Variants in FUT9 observed in about 807,000 individuals in gnomAD.
The protein encoded by FUT9 is fucosyltransferase 9.
In FUT9, 15 loss-of-function variants were observed where a neutral mutation model predicts 29.7. That is an observed-to-expected ratio of 0.51 (90% CI 0.34 to 0.78). FUT9 has a LOEUF of 0.78. FUT9 is among the 30% of genes least tolerant of loss of function. FUT9 has a pLI of 0.01. For missense variants in FUT9, 319 were observed against 425.4 expected (o/e 0.75, Z 2.20); for synonymous variants, 169 against 153.7 (o/e 1.10, Z -0.74).
intron 1 of FUT9, among the ~76,000 whole-genome samples, chr6:96,082,340 T>C (rs1249628045): frequency 1.3e-5 from 2 of 151,780 alleles, no homozygotes; most frequent in African/African-American, 2.4e-5. Flanking sequence ...AAATGACACA[T>C]GTAGAGATTT....
intron 2 of FUT9, among the ~76,000 whole-genome samples, chr6:96,196,496 G>A (rs1395228380): frequency 6.6e-6 from 1 of 152,030 alleles, no homozygotes; most frequent in Non-Finnish European, 1.5e-5. Flanking sequence ...GGCAGATCAT[G>A]AGGTCAGGAG....
chr6:96,023,171 A>G (rs1770104306), intron 1 of FUT9, among the ~76,000 whole-genome samples: 1 of 151,990 alleles, frequency 6.6e-6, no homozygotes, highest in Non-Finnish European at 1.5e-5. Flanking sequence ...CAAATGTCCC[A>G]ATAAGGTGCT....
At chr6:96,166,756 G>C (rs1037039341) in intron 2 of FUT9, among the ~76,000 whole-genome samples, 1 of 152,062 alleles carries the variant, frequency 6.6e-6, no homozygotes, top group Non-Finnish European at 1.5e-5. Flanking sequence ...GCATGCTCAA[G>C]AGTCTGTTGT....
intron 1 of FUT9, among the ~76,000 whole-genome samples, chr6:96,038,062 C>A (rs1011296062): frequency 6.6e-6 from 1 of 152,072 alleles, no homozygotes; most frequent in African/African-American, 2.4e-5. Context: ...TGCTTCGGAG[C>A]GTTGCCACAA....
At chr6:96,157,136 G>A (rs567415983) in intron 2 of FUT9, among the ~76,000 whole-genome samples, 1 of 152,128 alleles carries the variant, frequency 6.6e-6, no homozygotes, top group Non-Finnish European at 1.5e-5. Context: ...GGCTAAAAAG[G>A]CTAACTAAGA....
At chr6:96,035,249 CAG>C (rs965735486) in intron 1 of FUT9, among the ~76,000 whole-genome samples, 3 of 150,938 alleles carry the variant, frequency 2.0e-5, no homozygotes, top group Non-Finnish European at 3.0e-5. Flanking sequence ...AGGACAAAGT[CAG>C]AGAGAGAGAA....
At chr6:96,125,539 TTAC>T (rs1427858116) in intron 2 of FUT9, among the ~76,000 whole-genome samples, 1 of 152,178 alleles carries the variant, frequency 6.6e-6, no homozygotes, top group African/African-American at 2.4e-5. Context: ...AGCTCAGTCT[TTAC>T]AATTATCTAA....
intron 2 of FUT9, among the ~76,000 whole-genome samples, chr6:96,153,474 A>G (rs1283247747): frequency 6.6e-6 from 1 of 152,218 alleles, no homozygotes; most frequent in Admixed American, 6.5e-5. Context: ...AATGTGAGAA[A>G]AAGTTACAAA....
intron 1 of FUT9, among the ~76,000 whole-genome samples, chr6:96,061,406 T>C (rs1412360501): frequency 2.6e-5 from 4 of 151,026 alleles, no homozygotes; most frequent in Non-Finnish European, 4.4e-5. Context: ...TTTTTAGTAT[T>C]CCTAGTTTCT....
chr6:96,081,302 A>C (rs1346350195), intron 1 of FUT9, among the ~76,000 whole-genome samples: 1 of 150,818 alleles, frequency 6.6e-6, no homozygotes, highest in Non-Finnish European at 1.5e-5. Flanking sequence ...TTTAAAAAGT[A>C]TTCTTTCACA....
intron 1 of FUT9, among the ~76,000 whole-genome samples, chr6:96,023,846 C>G (rs919625016): frequency 4.6e-5 from 7 of 151,768 alleles, no homozygotes; most frequent in African/African-American, 1.7e-4. Context: ...ATTTTCTTTC[C>G]TCTTTTTCTT....
intron 1 of FUT9, among the ~76,000 whole-genome samples, chr6:96,112,543 G>A (rs1267279392): frequency 6.6e-6 from 1 of 152,154 alleles, no homozygotes; most frequent in Non-Finnish European, 1.5e-5. Flanking sequence ...CCAAGGCTAT[G>A]TAGAAATCCA....
intron 1 of FUT9, among the ~76,000 whole-genome samples, chr6:96,063,994 A>T (rs1231203689): frequency 2.6e-5 from 4 of 152,214 alleles, no homozygotes. Context: ...TCTCTTGGTT[A>T]CACTATTAGG....
chr6:96,126,921 C>G (rs1283788556), intron 2 of FUT9, among the ~76,000 whole-genome samples: 1 of 152,150 alleles, frequency 6.6e-6, no homozygotes, highest in Non-Finnish European at 1.5e-5. Flanking sequence ...AAATTTCAAT[C>G]TAAGTGTCAA....
chr6:96,141,474 G>T (rs1282894577), intron 2 of FUT9, among the ~76,000 whole-genome samples: 1 of 152,190 alleles, frequency 6.6e-6, no homozygotes, highest in Admixed American at 6.5e-5. Flanking sequence ...AGAATGAAAA[G>T]CCTCAAGGGA....
At chr6:96,172,756 C>A (rs895535110) in intron 2 of FUT9, among the ~76,000 whole-genome samples, 1 of 152,058 alleles carries the variant, frequency 6.6e-6, no homozygotes, top group South Asian at 2.1e-4. Flanking sequence ...AATACATTGA[C>A]AAACATGCAC....
rs1250202727 is a variant in FUT9, at chr6:96,204,552, CACACTGATCAGCTGTTTAATCT to C, written c.*319_*340del. On this transcript the variant is annotated 3_prime_UTR_variant, in exon 3 of 3. Coordinates refer to ENST00000302103, the MANE Select transcript of FUT9 (RefSeq NM_006581.4). ...AAGCTTGTGGTTTGATTATTGTTTCCACACTGATCAGCTGTTTAATCTATTTGGGAAATGAAGATGCACATCT... is the reference window on the plus strand; with the variant it reads ...AAGCTTGTGGTTTGATTATTGTTTCCATTTGGGAAATGAAGATGCACATCT... 1 of 183,382 alleles carries C rather than the reference CACACTGATCAGCTGTTTAATCT, an allele frequency of 5.5e-6. No individual in the cohort carries two copies. Among genetic ancestry groups the C allele is most frequent in the Non-Finnish European group, 1.3e-5 (1 of 79,458 alleles). The allele number at this position is 183,382 out of a possible 1,614,324, so 11.4% of individuals were successfully genotyped here.
At chr6:96,155,356 T>C (rs1772760622) in intron 2 of FUT9, among the ~76,000 whole-genome samples, 1 of 152,122 alleles carries the variant, frequency 6.6e-6, no homozygotes, top group South Asian at 2.1e-4. Flanking sequence ...ATCTCCAGTA[T>C]GTTTTTGGAG....
intron 2 of FUT9, among the ~76,000 whole-genome samples, chr6:96,120,590 CCTTTT>C (rs1772008276): frequency 8.7e-6 from 1 of 115,298 alleles, no homozygotes; most frequent in African/African-American, 3.2e-5. Flanking sequence ...GGCAAGACCA[CCTTTT>C]TTTTTTTTTT....
Sources: allele counts gnomAD v4.1 joint callset (sites outside exome capture counted in the v4.1 genomes callset), GRCh38; gene constraint gnomAD v4.1.1; transcripts MANE v1.5; gene names NCBI Gene and HGNC (gene_info 2026-07-23, HGNC 2026-07-21).